MGP: variants seen among roughly 807,000 people sequenced by gnomAD.
MGP encodes the protein cell growth-inhibiting gene 36 protein.
MGP carries 13 observed loss-of-function variants against 14.5 expected under a neutral mutation model. The observed-to-expected ratio is 0.89, with a 90% CI of 0.58 to 1.42. MGP has a LOEUF of 1.42. Ranked by LOEUF, MGP falls within the 40% of genes most tolerant of loss-of-function variation. The probability of loss-of-function intolerance (pLI) is 0.00; values close to 1 mark genes in which losing one functional copy is unlikely to be tolerated. For missense variants in MGP, 128 were observed against 133.7 expected (o/e 0.96, Z 0.21); for synonymous variants, 44 against 46.3 (o/e 0.95, Z 0.20).
chr12:14,884,812 C>G (rs1325826262), intron 1 of MGP: 1 of 1,532,840 alleles, frequency 6.5e-7, no homozygotes, highest in Admixed American at 2.0e-5. Flanking sequence ...TGACAGCTCA[C>G]CCTGGGCACG....
chr12:14,885,548 A>G (rs1863428967), intron 1 of MGP, among the ~76,000 whole-genome samples, 183 bp downstream of exon 1: 1 of 152,228 alleles, frequency 6.6e-6, no homozygotes, highest in Non-Finnish European at 1.5e-5. Context: ...GATATTTAGG[A>G]TATAAAAAAG....
In MGP at chr12:14,883,049, T is replaced by C; in HGVS notation, c.95-2A>G. 1 of 1,600,124 alleles carries C rather than the reference T, an allele frequency of 6.2e-7. No individual in the cohort carries two copies. The highest frequency in any genetic ancestry group is 1.1e-5 in the South Asian group (1 of 90,760). The stretch of plus-strand genomic sequence containing the variant: ...CATTTCTCCTGTTAATGAAGGGATC[T>C]TAGAACAGAAAATAAATAAATGCAG... On this transcript the variant is annotated splice_acceptor_variant, in intron 2 of 3. Transcript: ENST00000539261. LOFTEE classifies it high-confidence loss of function.
intron 3 of MGP, 106 bp downstream of exon 3, chr12:14,882,866 C>T (rs1001969478): frequency 1.3e-6 from 1 of 763,784 alleles, no homozygotes; most frequent in South Asian, 1.5e-5. Context: ...TTTAAAGATA[C>T]AATTAGAAAT....
intron 1 of MGP, 40 bp from the exon 2 acceptor site, chr12:14,884,285 T>A: frequency 8.1e-7 from 1 of 1,230,790 alleles, no homozygotes; most frequent in Non-Finnish European, 1.1e-6. Flanking sequence ...TCAATATTTA[T>A]CCATGATTCA....
rs747886432 is a variant in MGP at position 14,881,512 on chromosome 12, G to C, written c.*627C>G. On this transcript the variant is annotated 3_prime_UTR_variant, in exon 4 of 4. Transcript: ENST00000539261. ...GTATAAACTATTATTGACAGTTTTT[G>C]CCAATTGCTTTTATTTGTCCCTTCT... 1 of 153,304 alleles carries C rather than the reference G, an allele frequency of 6.5e-6. No individual in the cohort carries two copies. Among genetic ancestry groups the C allele is most frequent in the Admixed American group, 6.5e-5 (1 of 15,500 alleles). The allele number at this position is 153,304 out of a possible 1,614,324, so 9.5% of individuals were successfully genotyped here. A position where few individuals can be genotyped will look rare whatever the true frequency, so the allele number is the denominator to read the frequency against.
At chr12:14,882,617 A>G (rs928192418) in intron 3 of MGP, among the ~76,000 whole-genome samples, 2 of 151,598 alleles carry the variant, frequency 1.3e-5, no homozygotes, top group African/African-American at 2.4e-5. Context: ...AGATAGTGCC[A>G]CTATAATCCA....
At chr12:14,882,374 T>C in intron 3 of MGP, 94 bp from the exon 4 acceptor site, 9 of 1,420,940 alleles carry the variant, frequency 6.3e-6, no homozygotes, top group Non-Finnish European at 8.9e-6. Flanking sequence ...AGACTTTCTC[T>C]CCATGCCCCC....
intron 2 of MGP, chr12:14,883,346 C>T: frequency 2.6e-6 from 1 of 379,856 alleles, no homozygotes; most frequent in South Asian, 2.3e-5. Flanking sequence ...ATTTTAAATT[C>T]CTTTTGAGGA....
At chr12:14,882,499 G>A (rs1863389459) in intron 3 of MGP, among the ~76,000 whole-genome samples, 3 of 152,036 alleles carry the variant, frequency 2.0e-5, no homozygotes, top group Admixed American at 2.0e-4. Flanking sequence ...AGGAGTTCAA[G>A]ACTAGCCTGG....
chr12:14,882,246 T>C lies in MGP; in HGVS notation c.205A>G (p.Asn69Asp). 6.2e-7 allele frequency: 1 copy of C among 1,614,094 alleles called. No homozygotes were observed. Among genetic ancestry groups the C allele is most frequent in the Non-Finnish European group, 8.5e-7 (1 of 1,180,000 alleles). Residue 69 changes from asparagine (N) to aspartate (D), a missense_variant, in exon 4 of 4, where the codon AAT (asparagine) becomes GAT (aspartate). Coordinates refer to ENST00000539261, the MANE Select transcript of MGP (RefSeq NM_000900.5). Reference sequence around the variant, plus strand: ...CTGTAGTCATCACAGGCTTCCCTATTGAGCTCGTGGACAGGCTTAGAGCGT... The same window carrying C: ...CTGTAGTCATCACAGGCTTCCCTATCGAGCTCGTGGACAGGCTTAGAGCGT... ...RERSKPVHEL[N>D]REACDDYRLC...
Position 14,885,793 on chromosome 12 carries a change from G to C in MGP, c.-2C>G. ...GGCAAGAAGGATCAGGCTCTTCATG[G>C]TTTCGTCCTGCAGGTCAGTCTCAGG... is the stretch of plus-strand genomic sequence containing the variant. On this transcript the variant is annotated 5_prime_UTR_variant, in exon 1 of 4. Coordinates refer to ENST00000539261, the MANE Select transcript of MGP (RefSeq NM_000900.5). 6.2e-7 allele frequency: 1 copy of C among 1,613,664 alleles called. No homozygotes were observed. Among genetic ancestry groups the C allele is most frequent in the South Asian group, 1.1e-5 (1 of 91,068 alleles).
chr12:14,885,797 C>G lies in MGP; in HGVS notation c.-6G>C. On this transcript the variant is annotated 5_prime_UTR_variant, in exon 1 of 4. Transcript: ENST00000539261. ...AGAAGGATCAGGCTCTTCATGGTTTCGTCCTGCAGGTCAGTCTCAGGGTCT... is the reference window on the plus strand; with the variant it reads ...AGAAGGATCAGGCTCTTCATGGTTTGGTCCTGCAGGTCAGTCTCAGGGTCT... The G allele has an allele frequency of 6.2e-7, 1 of 1,613,562 alleles. No homozygotes were observed. Among genetic ancestry groups the G allele is most frequent in the Non-Finnish European group, 8.5e-7 (1 of 1,179,592 alleles).
intron 1 of MGP, among the ~76,000 whole-genome samples, chr12:14,884,479 T>C (rs1366437208): frequency 6.6e-6 from 1 of 152,186 alleles, no homozygotes; most frequent in Admixed American, 6.5e-5. Flanking sequence ...ATATTTTAGT[T>C]TCTCTGATGT....
In MGP at chr12:14,882,949, C is replaced by T. The variant is rs1863397018; in HGVS notation, c.170+23G>A. On this transcript the variant is annotated intron_variant, in intron 3 of 3. Transcript: ENST00000539261. The stretch of plus-strand genomic sequence containing the variant: ...ATCTACACTGGGAAAAATGACCACT[C>T]CTCATGAAGTTTTGTTACTGACCTC... 6 of 1,546,588 alleles carry T rather than the reference C, an allele frequency of 3.9e-6. No individual in the cohort carries two copies. The East Asian group carries it at 1.3e-4, about 35-fold the overall frequency.
intron 2 of MGP, chr12:14,883,828 A>G (rs752526015): frequency 2.5e-4 from 43 of 169,496 alleles, no homozygotes; most frequent in Non-Finnish European, 3.7e-4. Flanking sequence ...AAAAACACAA[A>G]AAAACCAAAA....
In MGP at chr12:14,880,989, C is replaced by A. The variant is rs991349865; in HGVS notation, c.*1150G>T. ...CTTAAAATAATTAAAAGAAACGTGG[C>A]AACTTGGGATTCAATATACAGTGAA... is the stretch of plus-strand genomic sequence containing the variant. On this transcript the variant is annotated 3_prime_UTR_variant, in exon 4 of 4. Coordinates refer to ENST00000539261, the MANE Select transcript of MGP (RefSeq NM_000900.5). Among the ~76,000 whole-genome samples, 1 of 152,160 alleles carries A rather than the reference C, an allele frequency of 6.6e-6. No individual in the cohort carries two copies. The highest frequency in any genetic ancestry group is 1.9e-4 in the East Asian group (1 of 5,186).
chr12:14,883,182 T>C, intron 2 of MGP, 135 bp from the exon 3 acceptor site: 1 of 706,766 alleles, frequency 1.4e-6, no homozygotes, highest in Non-Finnish European at 2.6e-6. Context: ...TGGCAAAAAT[T>C]AAAGGAGAGT....
chr12:14,882,412 G>A (rs969154295), intron 3 of MGP, 132 bp from the exon 4 acceptor site: 1 of 1,176,454 alleles, frequency 8.5e-7, no homozygotes, highest in African/African-American at 1.5e-5. Context: ...TAAAGAACAG[G>A]GAGAGGCTGG....
At chr12:14,883,798 C>CA (rs557009814) in intron 2 of MGP, 3,877 of 151,732 alleles carry the variant, frequency 0.026, 59 homozygotes, top group South Asian at 0.059. Flanking sequence ...GACACTGTCT[C>CA]AAAAAAAAAA....
Sources: gnomAD v4.1 joint callset for allele counts (sites outside exome capture counted in the v4.1 genomes callset) on GRCh38, gnomAD v4.1.1 for gene constraint, MANE v1.5 for transcripts, NCBI Gene and HGNC (gene_info 2026-07-23, HGNC 2026-07-21) for gene names.